The following SLC25A21 variants were observed in gnomAD, a reference collection of about 807,000 sequenced individuals.
SLC25A21 encodes solute carrier family 25 member 21.
Under a neutral mutation model 43.8 loss-of-function variants are expected in SLC25A21, and 47 were observed. The observed-to-expected ratio is 1.07, with a 90% confidence interval of 0.85 to 1.37. The LOEUF (loss-of-function observed/expected upper bound fraction) is 1.37. Among genes scored for constraint, SLC25A21 ranks in the 40% most tolerant of loss-of-function variants. The pLI is 0.00. For missense variants in SLC25A21, 352 were observed against 350.2 expected (o/e 1.00, Z -0.04); for synonymous variants, 131 against 121.3 (o/e 1.08, Z -0.52).
At chr14:36,856,924 G>A (rs952133272) in intron 2 of SLC25A21, among the ~76,000 whole-genome samples, 1 of 152,188 alleles carries the variant, frequency 6.6e-6, no homozygotes, top group African/African-American at 2.4e-5. Flanking sequence ...CTTGTCTGCT[G>A]TGCTATCCAA....
intron 3 of SLC25A21, among the ~76,000 whole-genome samples, chr14:36,749,766 T>C (rs972907356): frequency 4.0e-4 from 61 of 152,190 alleles, no homozygotes; most frequent in African/African-American, 1.4e-3. Flanking sequence ...GCCGCAGGGC[T>C]CACTGTTCAC....
Position 36,734,671 on chromosome 14 carries a change from A to G in SLC25A21, c.204-98T>C, listed in dbSNP as rs1983671. On this transcript the variant is annotated intron_variant, in intron 3 of 9. Coordinates refer to ENST00000331299, the MANE Select transcript of SLC25A21 (RefSeq NM_030631.4). ...ATCCTAAAGTATTCCCGATTATTCA[A>G]CATAGCACACCAATCATGAAGTCTT... 187 of 831,188 alleles carry G rather than the reference A, an allele frequency of 2.2e-4. No individual in the cohort carries two copies. In the East Asian group the frequency reaches 4.0e-3, roughly 18 times the overall value. The allele number at this position is 831,188 out of a possible 1,614,324, so 51.5% of individuals were successfully genotyped here.
At chr14:36,798,745 C>T (rs1002606941) in intron 3 of SLC25A21, among the ~76,000 whole-genome samples, 3 of 152,054 alleles carry the variant, frequency 2.0e-5, no homozygotes, top group African/African-American at 7.2e-5. Flanking sequence ...TCATCTCCTT[C>T]TATATCAAAA....
intron 1 of SLC25A21, among the ~76,000 whole-genome samples, chr14:36,904,903 C>T (rs754176902): frequency 3.9e-5 from 6 of 152,244 alleles, no homozygotes; most frequent in Non-Finnish European, 7.4e-5. Flanking sequence ...AATCATATCA[C>T]TCGTGTTATG....
chr14:36,696,694 G>T (rs7144078), intron 7 of SLC25A21, among the ~76,000 whole-genome samples: 4,066 of 152,050 alleles, frequency 0.027, 184 homozygotes, highest in African/African-American at 0.093. Context: ...GTTTATTTGC[G>T]TAGAGGTGTT....
In SLC25A21 at chr14:36,800,672, G is replaced by T. The variant is rs117547917; in HGVS notation, c.203+13246C>A. ...GAAGATGCAGTGTTGATGGTTGCAC[G>T]ACATTGACTTTACTTAGGGCCACTG... On this transcript the variant is annotated intron_variant, in intron 3 of 9. Coordinates refer to ENST00000331299, the MANE Select transcript of SLC25A21 (RefSeq NM_030631.4). Among the ~76,000 whole-genome samples the T allele has an allele frequency of 2.0e-3, 307 of 152,160 alleles. 1 individual carries two copies. Among genetic ancestry groups the T allele is most frequent in the Non-Finnish European group, 3.9e-3 (264 of 68,012 alleles).
intron 1 of SLC25A21, among the ~76,000 whole-genome samples, chr14:37,101,753 G>A (rs1463210404): frequency 6.6e-6 from 1 of 152,074 alleles, no homozygotes; most frequent in African/African-American, 2.4e-5. Flanking sequence ...TTATACAAAA[G>A]CCCATATAGG....
chr14:36,741,923 C>G (rs1316726511), intron 3 of SLC25A21, among the ~76,000 whole-genome samples: 1 of 152,162 alleles, frequency 6.6e-6, no homozygotes, highest in Non-Finnish European at 1.5e-5. Context: ...CAGCCAGAAC[C>G]CAAATGAACA....
intron 1 of SLC25A21, among the ~76,000 whole-genome samples, chr14:36,899,256 T>C (rs1244145828): frequency 6.7e-6 from 1 of 149,348 alleles, no homozygotes; most frequent in Non-Finnish European, 1.5e-5. Flanking sequence ...TGAGGTAAAA[T>C]AAAATGAAAA....
intron 3 of SLC25A21, among the ~76,000 whole-genome samples, chr14:36,791,045 G>C (rs932052395): frequency 2.7e-4 from 41 of 151,964 alleles, no homozygotes; most frequent in African/African-American, 4.8e-5. Context: ...AATAGCTACA[G>C]GCTTTCAAAA....
intron 6 of SLC25A21, among the ~76,000 whole-genome samples, chr14:36,724,322 C>A (rs368236134): frequency 6.6e-6 from 1 of 152,140 alleles, no homozygotes; most frequent in African/African-American, 2.4e-5. Context: ...GTGAGTAGGG[C>A]CCCCCTCCTT....
At chr14:36,975,544 G>A (rs962130887) in intron 1 of SLC25A21, among the ~76,000 whole-genome samples, 1 of 152,156 alleles carries the variant, frequency 6.6e-6, no homozygotes, top group Non-Finnish European at 1.5e-5. Flanking sequence ...TGTTCGATGA[G>A]TACAAATCTT....
intron 1 of SLC25A21, among the ~76,000 whole-genome samples, chr14:37,082,721 G>A (rs955597945): frequency 1.3e-5 from 2 of 152,094 alleles, no homozygotes; most frequent in African/African-American, 4.8e-5. Flanking sequence ...GATGGCCACT[G>A]GACAAAAGAC....
intron 1 of SLC25A21, among the ~76,000 whole-genome samples, chr14:36,934,997 C>CTT (rs35742799): frequency 1.4e-5 from 2 of 147,038 alleles, no homozygotes; most frequent in African/African-American, 5.0e-5. Context: ...GGTTCTTTAT[C>CTT]TTTTTTTTTT....
At chr14:37,118,325 A>G (rs553960281) in intron 1 of SLC25A21, among the ~76,000 whole-genome samples, 2 of 152,152 alleles carry the variant, frequency 1.3e-5, no homozygotes, top group South Asian at 2.1e-4. Context: ...GCAAACAGGA[A>G]GACCATTTTC....
intron 3 of SLC25A21, among the ~76,000 whole-genome samples, chr14:36,808,556 A>G (rs951570955): frequency 5.3e-5 from 8 of 152,162 alleles, no homozygotes; most frequent in Non-Finnish European, 8.8e-5. Flanking sequence ...CATTATTTCC[A>G]TATTATCTTC....
chr14:36,729,375 A>T, intron 5 of SLC25A21, 132 bp downstream of exon 5: 1 of 654,456 alleles, frequency 1.5e-6, no homozygotes, highest in Non-Finnish European at 2.5e-6. Context: ...GGCTTTCAAC[A>T]AGTAGCTGAA....
intron 1 of SLC25A21, among the ~76,000 whole-genome samples, chr14:37,154,481 T>C (rs1391373820): frequency 6.6e-6 from 1 of 151,808 alleles, no homozygotes; most frequent in African/African-American, 2.4e-5. Flanking sequence ...CAATGAAATA[T>C]GACTCTCCAA....
chr14:36,705,508 A>G (rs907579343), intron 7 of SLC25A21, among the ~76,000 whole-genome samples: 1 of 152,138 alleles, frequency 6.6e-6, no homozygotes, highest in Non-Finnish European at 1.5e-5. Flanking sequence ...AAAGCTCTCC[A>G]CAGCTTAGAA....
Sources: gnomAD v4.1 joint callset for allele counts (sites outside exome capture counted in the v4.1 genomes callset) on GRCh38, gnomAD v4.1.1 for gene constraint, MANE v1.5 for transcripts, NCBI Gene and HGNC (gene_info 2026-07-23, HGNC 2026-07-21) for gene names.